Variants in FBXW10B observed in about 807,000 individuals in gnomAD.
FBXW10B encodes F-box and WD repeat domain containing protein 10B.
the FBXW10B span, among the ~76,000 whole-genome samples, chr17:15,568,269 T>C: frequency 6.6e-6 from 1 of 152,154 alleles, no homozygotes; most frequent in African/African-American, 2.4e-5. Context: ...CAGCCAGGCA[T>C]GGTGCTCGAC....
At chr17:15,613,674 G>T in the FBXW10B span, 1 of 1,601,870 alleles carries the variant, frequency 6.2e-7, no homozygotes, top group Non-Finnish European at 8.5e-7. Flanking sequence ...ATCTTGACCT[G>T]TTGAGCCATG....
chr17:15,571,108 G>A, the FBXW10B span, among the ~76,000 whole-genome samples: 2 of 152,214 alleles, frequency 1.3e-5, no homozygotes, highest in African/African-American at 4.8e-5. Context: ...CCCTTTAGGA[G>A]GCCAAAGCAG....
At chr17:15,565,626 T>A in the FBXW10B span, 1 of 1,614,286 alleles carries the variant, frequency 6.2e-7, no homozygotes, top group Admixed American at 1.7e-5. Flanking sequence ...TCCTGATCCA[T>A]GCAGCTTTGC....
the FBXW10B span, among the ~76,000 whole-genome samples, chr17:15,606,957 A>T: frequency 6.6e-6 from 1 of 152,236 alleles, no homozygotes; most frequent in South Asian, 2.1e-4. Context: ...AATATGGCAG[A>T]AAGTTGCTTA....
chr17:15,580,458 A>G, the FBXW10B span, among the ~76,000 whole-genome samples: 2 of 147,518 alleles, frequency 1.4e-5, no homozygotes, highest in African/African-American at 2.5e-5. Flanking sequence ...TATGTGATCA[A>G]TCTAGCTTTT....
At chr17:15,586,997 G>A in the FBXW10B span, among the ~76,000 whole-genome samples, 1 of 151,654 alleles carries the variant, frequency 6.6e-6, no homozygotes, top group Non-Finnish European at 1.5e-5. Flanking sequence ...GGGAGCTAGA[G>A]TGAACCTGGA....
chr17:15,607,818 A>C, the FBXW10B span: 1,000 of 716,734 alleles, frequency 1.4e-3, 17 homozygotes, highest in East Asian at 0.027. Context: ...GCTGCTCTGC[A>C]GAGAAGGGAG....
the FBXW10B span, among the ~76,000 whole-genome samples, chr17:15,617,439 G>T: frequency 8.6e-5 from 13 of 152,014 alleles, no homozygotes; most frequent in African/African-American, 2.7e-4. Flanking sequence ...TTCCACTCCT[G>T]GACCCCTCCA....
the FBXW10B span, chr17:15,574,233 C>A: frequency 1.5e-6 from 1 of 675,356 alleles, no homozygotes; most frequent in Non-Finnish European, 2.7e-6. Flanking sequence ...CTCCATGTGT[C>A]TGAGGTATCA....
chr17:15,600,889 A>G, the FBXW10B span, among the ~76,000 whole-genome samples: 1 of 138,072 alleles, frequency 7.2e-6, no homozygotes, highest in East Asian at 2.4e-4. Context: ...CTCTACTAAA[A>G]TACAAAAAAA....
the FBXW10B span, chr17:15,613,533 T>C: frequency 8.6e-7 from 1 of 1,168,988 alleles, no homozygotes. Context: ...AAGGGTTTAC[T>C]GAAAGGTCCA....
the FBXW10B span, among the ~76,000 whole-genome samples, chr17:15,613,178 T>C: frequency 6.6e-6 from 1 of 151,342 alleles, no homozygotes; most frequent in African/African-American, 2.4e-5. Context: ...AACTGAGAAG[T>C]AAAAATGCTG....
At chr17:15,609,689 GCA>G in the FBXW10B span, among the ~76,000 whole-genome samples, 9 of 151,990 alleles carry the variant, frequency 5.9e-5, no homozygotes, top group Non-Finnish European at 1.3e-4. Context: ...CGGGCATCAG[GCA>G]CACAGTTTAT....
the FBXW10B span, among the ~76,000 whole-genome samples, chr17:15,610,519 C>A: frequency 2.0e-5 from 3 of 152,130 alleles, no homozygotes; most frequent in South Asian, 4.1e-4. Flanking sequence ...TTACTTGGGC[C>A]CACTGTATGA....
the FBXW10B span, among the ~76,000 whole-genome samples, chr17:15,578,181 T>C: frequency 1.3e-5 from 2 of 151,946 alleles, no homozygotes; most frequent in African/African-American, 4.8e-5. Flanking sequence ...TAATGGCCAA[T>C]AGACCAAATC....
At chr17:15,568,955 C>G in the FBXW10B span, 2 of 1,231,626 alleles carry the variant, frequency 1.6e-6, no homozygotes, top group Non-Finnish European at 2.0e-6. Context: ...TCCCAGCTGA[C>G]TTCTCTGCCT....
the FBXW10B span, chr17:15,596,769 G>C: frequency 5.3e-4 from 733 of 1,393,126 alleles, 3 homozygotes; most frequent in African/African-American, 0.01. Flanking sequence ...GACTCATCGA[G>C]CCCATCAAGT....
the FBXW10B span, among the ~76,000 whole-genome samples, chr17:15,566,764 C>T: frequency 6.6e-6 from 1 of 151,292 alleles, no homozygotes; most frequent in African/African-American, 2.4e-5. Context: ...CGGGGTTTCA[C>T]CGTGTTAGCC....
chr17:15,598,059 T>G, the FBXW10B span, among the ~76,000 whole-genome samples: 1 of 152,248 alleles, frequency 6.6e-6, no homozygotes, highest in African/African-American at 2.4e-5. Flanking sequence ...TTATATTTTA[T>G]GTATATATCT....
Sources: gnomAD v4.1 joint callset for allele counts (sites outside exome capture counted in the v4.1 genomes callset) on GRCh38, gnomAD v4.1.1 for gene constraint, MANE v1.5 for transcripts, NCBI Gene and HGNC (gene_info 2026-07-23, HGNC 2026-07-21) for gene names.